The following GALK2 variants were observed in gnomAD, a reference collection of about 807,000 sequenced individuals.
The protein encoded by GALK2 is galactokinase 2.
A neutral mutation model predicts 52.4 loss-of-function variants in GALK2; 36 were observed. The ratio of observed to expected loss-of-function variants is 0.69; its 90% CI spans 0.53 to 0.91. GALK2 has a LOEUF of 0.91. Among genes scored for constraint, GALK2 ranks in the 40% least tolerant of loss-of-function variants. GALK2 has a pLI of 0.00. For synonymous variants in GALK2, 176 were observed against 199.1 expected (o/e 0.88, Z 0.98); for missense variants, 579 against 559.1 (o/e 1.04, Z -0.36).
intron 3 of GALK2, among the ~76,000 whole-genome samples, chr15:49,221,169 T>A (rs914546254): frequency 6.8e-6 from 1 of 146,922 alleles, no homozygotes; most frequent in African/African-American, 2.4e-5. Context: ...TATCCTAAAG[T>A]GTTTCCCCTA....
intron 5 of GALK2, among the ~76,000 whole-genome samples, chr15:49,269,827 G>A (rs990140862): frequency 6.6e-6 from 1 of 152,154 alleles, no homozygotes; most frequent in African/African-American, 2.4e-5. Flanking sequence ...TCATTGGAAA[G>A]ATTTTCCTTC....
intron 8 of GALK2, among the ~76,000 whole-genome samples, chr15:49,302,865 G>A (rs2035226522): frequency 6.6e-6 from 1 of 152,086 alleles, no homozygotes; most frequent in Admixed American, 6.6e-5. Context: ...TGGGTCCTTT[G>A]GTTTTGTCTA....
chr15:49,261,552 C>A (rs1035435553), intron 5 of GALK2, among the ~76,000 whole-genome samples: 1 of 152,036 alleles, frequency 6.6e-6, no homozygotes, highest in Non-Finnish European at 1.5e-5. Flanking sequence ...GATTGAATAC[C>A]CTTTATTTCC....
At chr15:49,251,515 C>A (rs1054098500) in intron 5 of GALK2, among the ~76,000 whole-genome samples, 3 of 150,982 alleles carry the variant, frequency 2.0e-5, no homozygotes, top group Admixed American at 6.6e-5. Flanking sequence ...GTGGCAAGAC[C>A]ACTTAACATG....
At chr15:49,258,792 ATATGTGTGTGTG>A (rs1296385674) in intron 5 of GALK2, among the ~76,000 whole-genome samples, 103 of 130,904 alleles carry the variant, frequency 7.9e-4, no homozygotes, top group African/African-American at 1.0e-3. Context: ...ATATATATAT[ATATGTGTGTGTG>A]TGTGTGTGTG....
chr15:49,287,967 A>G (rs958230034), intron 7 of GALK2, among the ~76,000 whole-genome samples: 3 of 134,196 alleles, frequency 2.2e-5, no homozygotes, highest in Non-Finnish European at 4.9e-5. Context: ...CTTTCTCTCC[A>G]TCAGCTTTCA....
intron 2 of GALK2, among the ~76,000 whole-genome samples, chr15:49,212,718 T>C (rs1364326702): frequency 1.3e-5 from 2 of 152,144 alleles, no homozygotes; most frequent in African/African-American, 4.8e-5. Context: ...CCCAATTGTT[T>C]CATGAAATTT....
chr15:49,355,758 CGAGAA>C, intron 3 of GALK2, among the ~76,000 whole-genome samples: 1 of 151,376 alleles, frequency 6.6e-6, no homozygotes, highest in Admixed American at 6.6e-5. Context: ...AGATACTCCT[CGAGAA>C]GAGCAACTCC....
chr15:49,170,163 G>T (rs547687166), upstream of GALK2: 3 of 1,452,768 alleles, frequency 2.1e-6, no homozygotes, highest in Non-Finnish European at 2.7e-6. Flanking sequence ...AGGAGGGGCC[G>T]ATTGGAAGCA....
rs924142549 is a variant in GALK2, at chr15:49,255,272, C to T, written c.504+15905C>T. Among the ~76,000 whole-genome samples the T allele has an allele frequency of 2.8e-5, 4 of 143,082 alleles. 1 individual carries two copies. The highest frequency in any genetic ancestry group is 4.7e-5 in the Non-Finnish European group (3 of 63,792). 93.9% of individuals were successfully genotyped at this position (143,082 alleles called of 152,430 possible). A position where few individuals can be genotyped will look rare whatever the true frequency, so the allele number is the denominator to read the frequency against. On this transcript the variant is annotated intron_variant, in intron 5 of 9. Transcript: ENST00000560031. Reference sequence around the variant, plus strand: ...TTTACTTATTCAAGATAATTGAATACATTCTGGATCTGAAAAATTAAAAAG... The same window carrying T: ...TTTACTTATTCAAGATAATTGAATATATTCTGGATCTGAAAAATTAAAAAG...
intron 8 of GALK2, among the ~76,000 whole-genome samples, chr15:49,312,123 G>T (rs142045375): frequency 2.0e-4 from 30 of 152,280 alleles, no homozygotes; most frequent in Admixed American, 1.7e-3. Flanking sequence ...TCTAGATCCA[G>T]ACACCCTCTT....
rs183562810 is a variant in GALK2, at chr15:49,181,534, C to T, written c.53+11159C>T. Among the ~76,000 whole-genome samples, 682 of 127,204 alleles carry T rather than the reference C, an allele frequency of 5.4e-3. 6 individuals carry two copies. The highest frequency in any genetic ancestry group is 0.045 in the Middle Eastern group (8 of 176). The allele number at this position is 127,204 out of a possible 152,430, so 83.5% of individuals were successfully genotyped here. ...TTTTTTTTTTTTTGGAACAGAGTCTCACTCTGTTGCCCAGGCTGGAGTGCA... is the reference window on the plus strand; with the variant it reads ...TTTTTTTTTTTTTGGAACAGAGTCTTACTCTGTTGCCCAGGCTGGAGTGCA... On this transcript the variant is annotated intron_variant, in intron 1 of 9. Coordinates refer to ENST00000560031, the MANE Select transcript of GALK2 (RefSeq NM_002044.4).
chr15:49,217,037 G>A, intron 2 of GALK2, 153 bp from the exon 3 acceptor site: 1 of 570,488 alleles, frequency 1.8e-6, no homozygotes, highest in African/African-American at 1.9e-5. Flanking sequence ...GATCATGGAA[G>A]GGTTCTATTT....
At chr15:49,335,756 T>C (rs1473208282), downstream of GALK2, among the ~76,000 whole-genome samples, 3 of 152,242 alleles carry the variant, frequency 2.0e-5, no homozygotes, top group Admixed American at 6.5e-5. Flanking sequence ...AATCCTGTAA[T>C]TACCTTTTGT....
chr15:49,229,584 A>G (rs1432954414), intron 3 of GALK2, among the ~76,000 whole-genome samples: 1 of 152,126 alleles, frequency 6.6e-6, no homozygotes, highest in Non-Finnish European at 1.5e-5. Context: ...GGTCACAGCC[A>G]TTCTTAGTAC....
intron 1 of GALK2, 89 bp downstream of exon 1, chr15:49,170,464 G>T: frequency 7.4e-7 from 1 of 1,343,484 alleles, no homozygotes; most frequent in South Asian, 1.3e-5. Flanking sequence ...CCCTTGGGGC[G>T]CTGCTTTTGG....
chr15:49,242,049 A>G (rs559053666), intron 5 of GALK2, among the ~76,000 whole-genome samples: 1 of 152,302 alleles, frequency 6.6e-6, no homozygotes, highest in African/African-American at 2.4e-5. Context: ...GTGAGACAGA[A>G]TCTTGAATGA....
intron 3 of GALK2, among the ~76,000 whole-genome samples, chr15:49,232,590 AC>A (rs1336861664): frequency 1.3e-5 from 2 of 152,120 alleles, no homozygotes; most frequent in African/African-American, 4.8e-5. Context: ...AAACTCGTAC[AC>A]TTTGCTTCCC....
At chr15:49,170,899 C>G (rs776154450) in intron 1 of GALK2, among the ~76,000 whole-genome samples, 5 of 151,954 alleles carry the variant, frequency 3.3e-5, no homozygotes, top group Non-Finnish European at 5.9e-5. Context: ...AGTGATGTCT[C>G]GGGGAGGATC....
Sources: gnomAD v4.1 joint callset for allele counts (sites outside exome capture counted in the v4.1 genomes callset) on GRCh38, gnomAD v4.1.1 for gene constraint, MANE v1.5 for transcripts, NCBI Gene and HGNC (gene_info 2026-07-23, HGNC 2026-07-21) for gene names.